Variants in TMEM123 observed in about 807,000 individuals in gnomAD.
The protein encoded by TMEM123 is transmembrane protein 123.
A neutral mutation model predicts 19.7 loss-of-function variants in TMEM123; 16 were observed. That is an observed-to-expected ratio of 0.81 (90% CI 0.55 to 1.23). TMEM123 has a LOEUF of 1.23. Ranked by LOEUF, TMEM123 falls within the 50% of genes most tolerant of loss-of-function variation. The probability of loss-of-function intolerance (pLI) is 0.00; values close to 1 mark genes in which losing one functional copy is unlikely to be tolerated. For missense variants in TMEM123, 313 were observed against 257.8 expected (o/e 1.21, Z -1.47); for synonymous variants, 118 against 99.4 (o/e 1.19, Z -1.12).
intron 1 of TMEM123, among the ~76,000 whole-genome samples, chr11:102,450,000 C>T (rs763450057): frequency 2.1e-4 from 32 of 152,304 alleles, no homozygotes; most frequent in South Asian, 1.5e-3. Flanking sequence ...CCCCAACCTT[C>T]CCAATTGTTG....
At chr11:102,402,227 A>G (rs958597671) in intron 2 of TMEM123, 21 bp from the exon 3 acceptor site, 21 of 1,606,730 alleles carry the variant, frequency 1.3e-5, no homozygotes, top group African/African-American at 2.7e-5. Flanking sequence ...ATCAAGAAAC[A>G]TTAAAACCAG....
At chr11:102,425,030 T>A (rs1020492929) in intron 2 of TMEM123, among the ~76,000 whole-genome samples, 1 of 152,178 alleles carries the variant, frequency 6.6e-6, no homozygotes, top group Non-Finnish European at 1.5e-5. Context: ...ATGAAGAATA[T>A]CCTAATTTGT....
chr11:102,432,090 G>T (rs1857716497), intron 2 of TMEM123, among the ~76,000 whole-genome samples: 1 of 152,182 alleles, frequency 6.6e-6, no homozygotes, highest in African/African-American at 2.4e-5. Context: ...TAGTACATTG[G>T]TACTGGGAGT....
At chr11:102,420,050 G>A (rs770784783) in intron 2 of TMEM123, among the ~76,000 whole-genome samples, 6 of 152,172 alleles carry the variant, frequency 3.9e-5, no homozygotes, top group Non-Finnish European at 5.9e-5. Context: ...GGGGAAGAAT[G>A]GTTTTTATAT....
At chr11:102,411,694 A>AC (rs1952006304) in intron 2 of TMEM123, among the ~76,000 whole-genome samples, 4 of 152,148 alleles carry the variant, frequency 2.6e-5, no homozygotes, top group African/African-American at 9.7e-5. Context: ...GAAAAAAAAA[A>AC]AACACACATC....
intron 2 of TMEM123, among the ~76,000 whole-genome samples, chr11:102,428,037 A>AT (rs35657745): frequency 0.048 from 7,265 of 152,172 alleles, 220 homozygotes; most frequent in Non-Finnish European, 0.073. Flanking sequence ...TGAGATGCTG[A>AT]TAAAAAAAAG....
intron 1 of TMEM123, chr11:102,451,148 G>A (rs1375597391): frequency 6.6e-6 from 1 of 151,728 alleles, no homozygotes; most frequent in East Asian, 1.9e-4. Context: ...GCTAAAATAG[G>A]GCAAAAAAAA....
At chr11:102,448,771 A>G (rs374629008) in intron 2 of TMEM123, 41 bp downstream of exon 2, 180 of 1,594,570 alleles carry the variant, frequency 1.1e-4, no homozygotes, top group South Asian at 6.3e-4. Context: ...CATGTACCCT[A>G]GACAAATGAA....
At chr11:102,410,535 C>G (rs1047326498) in intron 2 of TMEM123, among the ~76,000 whole-genome samples, 1 of 148,808 alleles carries the variant, frequency 6.7e-6, no homozygotes, top group Non-Finnish European at 1.5e-5. Context: ...AAGCATGAAT[C>G]ACAGCCACAA....
chr11:102,441,164 G>T (rs932494188), intron 2 of TMEM123, among the ~76,000 whole-genome samples: 1 of 152,120 alleles, frequency 6.6e-6, no homozygotes, highest in Non-Finnish European at 1.5e-5. Context: ...GGATATCCGG[G>T]ACTTGAACTC....
At chr11:102,419,546 C>T (rs893488164) in intron 2 of TMEM123, among the ~76,000 whole-genome samples, 12 of 152,180 alleles carry the variant, frequency 7.9e-5, no homozygotes, top group Non-Finnish European at 4.4e-5. Flanking sequence ...CGTGTCCAGT[C>T]TGTTAGACAA....
chr11:102,418,070 G>A (rs1164478978), intron 2 of TMEM123, among the ~76,000 whole-genome samples: 3 of 149,240 alleles, frequency 2.0e-5, no homozygotes, highest in Non-Finnish European at 3.0e-5. Flanking sequence ...GAGGGAAGCA[G>A]AAAAAAAAAA....
rs1463103113 is a variant in TMEM123 at position 102,433,537 on chromosome 11, G to A, written c.157+15275C>T. Among the ~76,000 whole-genome samples, 3 of 151,810 alleles carry A rather than the reference G, an allele frequency of 2.0e-5. 1 individual carries two copies. Among genetic ancestry groups the A allele is most frequent in the Non-Finnish European group, 4.4e-5 (3 of 67,876 alleles). On this transcript the variant is annotated intron_variant, in intron 2 of 4. Transcript: ENST00000398136. ...GATTTTACAGGCTCATAGGTGGAAG[G>A]GACTTGCCTTATCTCAGTTGAGATT...
chr11:102,413,726 C>G (rs1251221361), intron 2 of TMEM123, among the ~76,000 whole-genome samples: 1 of 152,134 alleles, frequency 6.6e-6, no homozygotes, highest in Non-Finnish European at 1.5e-5. Context: ...AAAGCAAAAG[C>G]CTCAAAGGAC....
intron 2 of TMEM123, among the ~76,000 whole-genome samples, chr11:102,425,415 A>C (rs1034715468): frequency 2.6e-5 from 4 of 152,110 alleles, no homozygotes; most frequent in African/African-American, 9.7e-5. Flanking sequence ...CCTTCTTTTG[A>C]GCATAGACCC....
chr11:102,439,838 T>G (rs1857805801), intron 2 of TMEM123, among the ~76,000 whole-genome samples: 1 of 151,878 alleles, frequency 6.6e-6, no homozygotes, highest in South Asian at 2.1e-4. Flanking sequence ...CTAGAATAAA[T>G]AGCATAGAGA....
At chr11:102,441,373 C>T (rs909745431) in intron 2 of TMEM123, among the ~76,000 whole-genome samples, 24 of 152,154 alleles carry the variant, frequency 1.6e-4, no homozygotes, top group Non-Finnish European at 2.5e-4. Context: ...CAAACTAGAA[C>T]TTAGGATTAA....
At chr11:102,413,881 A>G (rs555372801) in intron 2 of TMEM123, among the ~76,000 whole-genome samples, 1 of 152,346 alleles carries the variant, frequency 6.6e-6, no homozygotes, top group Non-Finnish European at 1.5e-5. Flanking sequence ...TTAAAACATC[A>G]GACATGGAAT....
At chr11:102,410,102 T>G (rs1393662055) in intron 2 of TMEM123, among the ~76,000 whole-genome samples, 1 of 152,128 alleles carries the variant, frequency 6.6e-6, no homozygotes, top group African/African-American at 2.4e-5. Flanking sequence ...TGCAGTAAAT[T>G]TACTACCACA....
Sources: allele counts gnomAD v4.1 joint callset (sites outside exome capture counted in the v4.1 genomes callset), GRCh38; gene constraint gnomAD v4.1.1; transcripts MANE v1.5; gene names NCBI Gene and HGNC (gene_info 2026-07-23, HGNC 2026-07-21).